The following BBOX1 variants were observed in gnomAD, a reference collection of about 807,000 sequenced individuals.
BBOX1 encodes gamma-butyrobetaine dioxygenase.
In BBOX1, 35 loss-of-function variants were observed where a neutral mutation model predicts 41.6. That is an observed-to-expected ratio of 0.84 (90% CI 0.64 to 1.11). BBOX1 has a LOEUF of 1.11. BBOX1 is among the 50% of genes most tolerant of loss of function. The pLI is 0.00. For missense variants in BBOX1, 458 were observed against 460.6 expected (o/e 0.99, Z 0.05); for synonymous variants, 163 against 154.7 (o/e 1.05, Z -0.40).
In BBOX1 at chr11:27,079,279, G is replaced by A. The variant is rs570761737; in HGVS notation, c.335-13889G>A. On this transcript the variant is annotated intron_variant, in intron 4 of 8. Transcript: ENST00000263182. Reference sequence around the variant, plus strand: ...CAATAGAATTAAAGAAGGCAGTGAAGACTGGTCAATTATGAACCTAATTCC... The same window carrying A: ...CAATAGAATTAAAGAAGGCAGTGAAAACTGGTCAATTATGAACCTAATTCC... Among the ~76,000 whole-genome samples, 15 of 152,300 alleles carry A rather than the reference G, an allele frequency of 9.8e-5. No homozygotes were observed. The South Asian group carries it at 2.9e-3, about 29-fold the overall frequency.
intron 7 of BBOX1, among the ~76,000 whole-genome samples, chr11:27,121,367 A>G (rs1394000194): frequency 6.6e-6 from 1 of 152,162 alleles, no homozygotes; most frequent in Non-Finnish European, 1.5e-5. Context: ...TGAAGTAAGA[A>G]GTTGCTGCAA....
chr11:27,055,769 G>C, intron 3 of BBOX1, 120 bp downstream of exon 3: 1 of 808,384 alleles, frequency 1.2e-6, no homozygotes, highest in Non-Finnish European at 1.9e-6. Flanking sequence ...ATGAACCCAC[G>C]TTTGTATAGT....
chr11:27,044,526 G>A (rs1177631753), intron 2 of BBOX1, among the ~76,000 whole-genome samples: 2 of 152,128 alleles, frequency 1.3e-5, no homozygotes, highest in Non-Finnish European at 2.9e-5. Context: ...TGTCCTGAAT[G>A]ATATTGCCTA....
chr11:27,069,165 T>C (rs1471325610), intron 4 of BBOX1, among the ~76,000 whole-genome samples: 1 of 152,126 alleles, frequency 6.6e-6, no homozygotes, highest in Non-Finnish European at 1.5e-5. Flanking sequence ...TAGATTGCTT[T>C]GGGCAATGTG....
Position 27,045,622 on chromosome 11 carries a change from G to A in BBOX1, c.-39+4144G>A, listed in dbSNP as rs538929657. Among the ~76,000 whole-genome samples, 265 of 152,136 alleles carry A rather than the reference G, an allele frequency of 1.7e-3. 2 individuals carry two copies. The highest frequency in any genetic ancestry group is 5.8e-3 in the African/African-American group (242 of 41,508). On this transcript the variant is annotated intron_variant, in intron 2 of 8. Coordinates refer to ENST00000263182, the MANE Select transcript of BBOX1 (RefSeq NM_003986.3). The stretch of plus-strand genomic sequence containing the variant: ...ATATTCCTTCAATACCTAGTTTATT[G>A]AGAGTTTTTAGCATGAAGGGCTGTT...
At chr11:27,091,427 C>T (rs1208442225) in intron 4 of BBOX1, among the ~76,000 whole-genome samples, 2 of 151,746 alleles carry the variant, frequency 1.3e-5, no homozygotes, top group Non-Finnish European at 2.9e-5. Flanking sequence ...TCAAGAAATA[C>T]CAATAAACTG....
At chr11:27,059,316 C>T (rs1456273659) in intron 4 of BBOX1, among the ~76,000 whole-genome samples, 2 of 152,228 alleles carry the variant, frequency 1.3e-5, no homozygotes, top group African/African-American at 4.8e-5. Flanking sequence ...TGTTCGCTGT[C>T]TAGATTTCAG....
intron 5 of BBOX1, among the ~76,000 whole-genome samples, chr11:27,114,248 T>C (rs980603618): frequency 6.6e-6 from 1 of 151,796 alleles, no homozygotes; most frequent in Admixed American, 6.6e-5. Context: ...TGACAGAAGT[T>C]AAAGAAAACC....
In BBOX1 at chr11:27,044,881, CT is replaced by C. The variant is rs1428866504; in HGVS notation, c.-39+3408del. 3.3e-5 allele frequency among the ~76,000 whole-genome samples: 5 copies of C among 151,918 alleles called. No homozygotes were observed. In the South Asian group the frequency reaches 8.3e-4, roughly 25 times the overall value. On this transcript the variant is annotated intron_variant, in intron 2 of 8. Transcript: ENST00000263182. ...GGTAGCATGATGCCTCCAGCTTTGTCTTTTTGCTTAGGATTGTCTTGGCTAT... is the reference window on the plus strand; with the variant it reads ...GGTAGCATGATGCCTCCAGCTTTGTCTTTTGCTTAGGATTGTCTTGGCTAT...
At position 27,079,079 on chromosome 11, in the gene BBOX1, G is replaced by T. The variant is rs866613285; in HGVS notation, c.335-14089G>T. Among the ~76,000 whole-genome samples, 5 of 152,284 alleles carry T rather than the reference G, an allele frequency of 3.3e-5. 1 individual carries two copies. The Middle Eastern group carries it at 0.017, about 518-fold the overall frequency. On this transcript the variant is annotated intron_variant, in intron 4 of 8. Coordinates refer to ENST00000263182, the MANE Select transcript of BBOX1 (RefSeq NM_003986.3). ...GCGAAAAAGACAGGAGAGAAGAAAA[G>T]TGCCTTATAATATCTTATGTTTGAG...
intron 7 of BBOX1, among the ~76,000 whole-genome samples, chr11:27,120,713 T>C (rs917733750): frequency 6.6e-6 from 1 of 152,152 alleles, no homozygotes; most frequent in African/African-American, 2.4e-5. Context: ...CGATTAATTT[T>C]GGTAGGGGGG....
intron 4 of BBOX1, among the ~76,000 whole-genome samples, chr11:27,076,346 C>T (rs553846802): frequency 2.3e-4 from 35 of 152,286 alleles, no homozygotes; most frequent in African/African-American, 7.9e-4. Context: ...CAAATGCTGG[C>T]TGAAGAAGTA....
At chr11:27,121,005 T>G (rs1390837860) in intron 7 of BBOX1, among the ~76,000 whole-genome samples, 1 of 152,122 alleles carries the variant, frequency 6.6e-6, no homozygotes, top group Non-Finnish European at 1.5e-5. Flanking sequence ...TTAAAAATTA[T>G]TAAATGCTTA....
chr11:27,089,613 A>G (rs771500330), intron 4 of BBOX1, among the ~76,000 whole-genome samples: 2 of 152,048 alleles, frequency 1.3e-5, no homozygotes, highest in Admixed American at 6.6e-5. Context: ...CAGTGATAAG[A>G]ACAAATGGTG....
chr11:27,082,948 A>T (rs560761679), intron 4 of BBOX1, among the ~76,000 whole-genome samples: 1 of 152,188 alleles, frequency 6.6e-6, no homozygotes, highest in East Asian at 1.9e-4. Flanking sequence ...CTAGATGGTC[A>T]TTCTGGTCAT....
intron 6 of BBOX1, among the ~76,000 whole-genome samples, chr11:27,117,380 A>G (rs1029891963): frequency 4.6e-5 from 7 of 151,874 alleles, no homozygotes; most frequent in Non-Finnish European, 8.8e-5. Context: ...TATTTTGTTG[A>G]TTGTAAAATA....
chr11:27,055,600 C>T lies in BBOX1; in HGVS notation c.170C>T (p.Ala57Val). ...SAKARKLLVE[A>V]LDVNIGIKGL... ...AAAGCACGGAAACTTCTAGTGGAAG[C>T]TCTTGATGTGAACATTGGAATTAAA... is the stretch of plus-strand genomic sequence containing the variant. The change falls in exon 3 of 9, where the codon GCT becomes GTT. Residue 57 changes from alanine to valine, a missense_variant. Ala to Val is a moderately conservative substitution (Grantham distance 64, BLOSUM62 0). Transcript: ENST00000263182. 6.2e-7 allele frequency: 1 copy of T among 1,614,122 alleles called. No homozygotes were observed. Among genetic ancestry groups the T allele is most frequent in the Non-Finnish European group, 8.5e-7 (1 of 1,180,014 alleles).
At chr11:27,116,140 C>T (rs946777216) in intron 6 of BBOX1, among the ~76,000 whole-genome samples, 1 of 151,922 alleles carries the variant, frequency 6.6e-6, no homozygotes, top group African/African-American at 2.4e-5. Flanking sequence ...ACTATGCAGC[C>T]ATAAGAAAGG....
chr11:27,078,615 G>C (rs187461551), intron 4 of BBOX1, among the ~76,000 whole-genome samples: 1 of 152,300 alleles, frequency 6.6e-6, no homozygotes, highest in African/African-American at 2.4e-5. Context: ...TCAATCATAA[G>C]TGGGAGTTGA....
Sources: allele counts gnomAD v4.1 joint callset (sites outside exome capture counted in the v4.1 genomes callset), GRCh38; gene constraint gnomAD v4.1.1; transcripts MANE v1.5; gene names NCBI Gene and HGNC (gene_info 2026-07-23, HGNC 2026-07-21).